MED13: variants seen among roughly 807,000 people sequenced by gnomAD.
MED13 encodes the protein mediator of RNA polymerase II transcription subunit 13.
Under a neutral mutation model 225.2 loss-of-function variants are expected in MED13, and 23 were observed. The observed-to-expected ratio is 0.10, with a 90% CI of 0.07 to 0.14. The LOEUF (loss-of-function observed/expected upper bound fraction) is 0.14, where lower values mean the gene tolerates loss of function less well. Ranked by LOEUF, MED13 falls within the 10% of genes least tolerant of loss-of-function variation. The pLI, the probability that MED13 is intolerant of heterozygous loss-of-function variation, is 1.00. For missense variants in MED13, 2,197 were observed against 2,594.5 expected (o/e 0.85, Z 3.33); for synonymous variants, 942 against 889.2 (o/e 1.06, Z -1.06).
chr17:62,031,785 GTT>G, intron 5 of MED13, 147 bp from the exon 6 acceptor site: 1 of 416,640 alleles, frequency 2.4e-6, no homozygotes, highest in Non-Finnish European at 3.9e-6. Flanking sequence ...TTTGGCATAA[GTT>G]TTTCTTTTCT....
At chr17:61,976,026 A>C (rs1603395485) in intron 16 of MED13, among the ~76,000 whole-genome samples, 1 of 152,324 alleles carries the variant, frequency 6.6e-6, no homozygotes, top group Middle Eastern at 3.4e-3. Flanking sequence ...CAAAAAAAAA[A>C]TAAATAAATA....
chr17:61,991,292 T>A (rs184242568), intron 11 of MED13, among the ~76,000 whole-genome samples: 66 of 151,914 alleles, frequency 4.3e-4, no homozygotes, highest in Admixed American at 4.1e-3. Flanking sequence ...TTTATTTTTG[T>A]ATTTTTAGTA....
At chr17:61,972,951 T>A in intron 16 of MED13, 63 bp from the exon 17 acceptor site, 1 of 1,412,402 alleles carries the variant, frequency 7.1e-7, no homozygotes, top group Admixed American at 2.3e-5. Flanking sequence ...AATAAAATTT[T>A]AAGATAATAC....
chr17:61,969,066 T>C (rs2080083995), intron 17 of MED13, among the ~76,000 whole-genome samples: 2 of 152,090 alleles, frequency 1.3e-5, no homozygotes, highest in African/African-American at 4.8e-5. Context: ...TTTAAATTTT[T>C]GGCATGGGGC....
At chr17:62,043,997 T>C (rs1324067492) in intron 3 of MED13, among the ~76,000 whole-genome samples, 1 of 152,084 alleles carries the variant, frequency 6.6e-6, no homozygotes, top group Non-Finnish European at 1.5e-5. Flanking sequence ...CTAACAGCAA[T>C]AGCTCCTAGC....
In MED13 at chr17:61,984,275, C is replaced by T; in HGVS notation, c.2784G>A (p.Leu928=). The change falls in exon 15 of 30, where the codon CTG becomes CTA. Residue 928 remains leucine, a synonymous_variant. Transcript: ENST00000397786. The part of the protein sequence containing the change: ...APLKTLPSQY[L]PPIKLPEECI... ...ACTCTTCTGGCAATTTGATAGGGGG[C>T]AGATATTGGCTTGGTAGAGTTTTTA... 6.2e-7 allele frequency: 1 copy of T among 1,611,174 alleles called. No homozygotes were observed. Among genetic ancestry groups the T allele is most frequent in the Non-Finnish European group, 8.5e-7 (1 of 1,178,954 alleles).
Position 61,970,195 on chromosome 17 carries a change from T to C in MED13, c.3968-1937A>G, listed in dbSNP as rs984831446. On this transcript the variant is annotated intron_variant, in intron 17 of 29. Coordinates refer to ENST00000397786, the MANE Select transcript of MED13 (RefSeq NM_005121.3). ...AGATGAGAAAACATAAATGAGGAAG[T>C]TAAGCAATTTCTCTAGCATTTCACA... Among the ~76,000 whole-genome samples, 17 of 152,200 alleles carry C rather than the reference T, an allele frequency of 1.1e-4. 1 individual carries two copies. Among genetic ancestry groups the C allele is most frequent in the Admixed American group, 1.1e-3 (17 of 15,278 alleles).
Position 61,966,669 on chromosome 17 carries a change from G to T in MED13, c.4192-18C>A, listed in dbSNP as rs749772411. 282 of 1,512,400 alleles carry T rather than the reference G, an allele frequency of 1.9e-4. No individual in the cohort carries two copies. The highest frequency in any genetic ancestry group is 2.4e-4 in the Non-Finnish European group (270 of 1,124,778). 93.7% of individuals were successfully genotyped at this position (1,512,400 alleles called of 1,614,324 possible). A position where few individuals can be genotyped will look rare whatever the true frequency, so the allele number is the denominator to read the frequency against. On this transcript the variant is annotated intron_variant, in intron 18 of 29. Transcript: ENST00000397786. Reference sequence around the variant, plus strand: ...CGACAGGACTACAAATATACATACAGAAAGCAGAATTAGTAAATTTATTAT... The same window carrying T: ...CGACAGGACTACAAATATACATACATAAAGCAGAATTAGTAAATTTATTAT...
At chr17:61,966,171 G>T (rs2080056336) in intron 19 of MED13, among the ~76,000 whole-genome samples, 1 of 152,154 alleles carries the variant, frequency 6.6e-6, no homozygotes, top group African/African-American at 2.4e-5. Context: ...CCCTACAGAG[G>T]CAACAGAAAA....
At chr17:62,004,639 A>C (rs184458214) in intron 9 of MED13, 34 of 152,360 alleles carry the variant, frequency 2.2e-4, no homozygotes, top group Admixed American at 1.8e-3. Context: ...GAGACTGCAT[A>C]CAATCTTACA....
At chr17:62,019,996 G>C (rs182720664) in intron 8 of MED13, among the ~76,000 whole-genome samples, 1 of 151,830 alleles carries the variant, frequency 6.6e-6, no homozygotes, top group Admixed American at 6.6e-5. Context: ...CGCCCGCCTC[G>C]GCCTCCCAAA....
intron 23 of MED13, among the ~76,000 whole-genome samples, chr17:61,957,121 A>C (rs1053201479): frequency 2.0e-5 from 3 of 151,934 alleles, no homozygotes; most frequent in African/African-American, 7.3e-5. Context: ...ATCTCGGCTC[A>C]CTGCAACCTC....
chr17:61,952,926 C>T (rs1379926751), intron 27 of MED13, 39 bp downstream of exon 27: 38 of 1,595,578 alleles, frequency 2.4e-5, no homozygotes, highest in Admixed American at 3.5e-5. Context: ...TAAGCCACTG[C>T]GCCCGGCCGA....
Position 62,065,019 on chromosome 17 carries a change from G to A in MED13, c.66+121C>T, listed in dbSNP as rs565658009. 5.3e-5 allele frequency: 44 copies of A among 826,830 alleles called. No individual in the cohort carries two copies. In the East Asian group the frequency reaches 1.5e-3, roughly 28 times the overall value. The allele number at this position is 826,830 out of a possible 1,614,324, so 51.2% of individuals were successfully genotyped here. A position where few individuals can be genotyped will look rare whatever the true frequency, so the allele number is the denominator to read the frequency against. On this transcript the variant is annotated intron_variant, in intron 1 of 29. Coordinates refer to ENST00000397786, the MANE Select transcript of MED13 (RefSeq NM_005121.3). ...GGCCGCGGAGCTTCGCAGGGCGCCG[G>A]CTCCGGCTGGGCCTCGCCCGGGAAC...
At chr17:61,953,250 G>A in intron 26 of MED13, 137 bp from the exon 27 acceptor site, 2 of 831,172 alleles carry the variant, frequency 2.4e-6, no homozygotes, top group Non-Finnish European at 3.6e-6. Context: ...TCTACCATGT[G>A]CCAAGTATTG....
rs779488208 is a variant in MED13 at position 61,992,655 on chromosome 17, T to C, written c.2182-34A>G. ...AAATATTTCATGTTAGGCTGAAATA[T>C]ATAATTTACCAACAATAAAATCTAC... On this transcript the variant is annotated intron_variant, in intron 10 of 29. Coordinates refer to ENST00000397786, the MANE Select transcript of MED13 (RefSeq NM_005121.3). 14 of 1,445,870 alleles carry C rather than the reference T, an allele frequency of 9.7e-6. 1 individual carries two copies. In the East Asian group the frequency reaches 1.4e-4, roughly 14 times the overall value. 89.6% of individuals were successfully genotyped at this position (1,445,870 alleles called of 1,614,324 possible).
intron 4 of MED13, among the ~76,000 whole-genome samples, chr17:62,034,994 G>A (rs907133197): frequency 2.7e-4 from 41 of 151,980 alleles, no homozygotes; most frequent in African/African-American, 1.2e-4. Context: ...GGTGGAACGC[G>A]CCTGTAACCC....
At chr17:62,029,384 T>C (rs1334796894) in intron 8 of MED13, 157 bp downstream of exon 8, 2 of 607,922 alleles carry the variant, frequency 3.3e-6, no homozygotes, top group African/African-American at 1.9e-5. Flanking sequence ...ACTTCTATAA[T>C]CAGCTTCAAA....
intron 16 of MED13, among the ~76,000 whole-genome samples, chr17:61,978,822 G>A (rs139783676): frequency 5.3e-4 from 80 of 151,858 alleles, no homozygotes; most frequent in African/African-American, 1.9e-3. Context: ...TTTAAATTTG[G>A]TCCCTGAGAA....
Sources: gnomAD v4.1 joint callset for allele counts (sites outside exome capture counted in the v4.1 genomes callset) on GRCh38, gnomAD v4.1.1 for gene constraint, MANE v1.5 for transcripts, NCBI Gene and HGNC (gene_info 2026-07-23, HGNC 2026-07-21) for gene names.